The following CUX1 variants were observed in gnomAD, a reference collection of about 807,000 sequenced individuals.
CUX1 encodes the protein cut like homeobox 1.
Under a neutral mutation model 158.8 loss-of-function variants are expected in CUX1, and 31 were observed. The observed-to-expected ratio is 0.20, with a 90% CI of 0.15 to 0.26. The LOEUF (loss-of-function observed/expected upper bound fraction) is 0.26. Among genes scored for constraint, CUX1 ranks in the 10% least tolerant of loss-of-function variants. The probability of loss-of-function intolerance (pLI) is 1.00; values close to 1 mark genes in which losing one functional copy is unlikely to be tolerated. For missense variants in CUX1, 1,589 were observed against 2,014.6 expected (o/e 0.79, Z 4.04); for synonymous variants, 879 against 862.1 (o/e 1.02, Z -0.34).
downstream of CUX1, chr7:102,258,284 C>A: frequency 1.4e-6 from 1 of 700,178 alleles, no homozygotes; most frequent in Non-Finnish European, 1.8e-6. Flanking sequence ...GGACGAGCAG[C>A]AAACACTGTC....
chr7:102,010,781 G>A (rs542090985), intron 2 of CUX1, among the ~76,000 whole-genome samples: 2 of 152,340 alleles, frequency 1.3e-5, no homozygotes, highest in African/African-American at 4.8e-5. Context: ...TGTGCTTTGT[G>A]TCTAAGCTGA....
chr7:102,229,107 A>G (rs1292353270), intron 21 of CUX1, among the ~76,000 whole-genome samples: 4 of 152,068 alleles, frequency 2.6e-5, no homozygotes, highest in Non-Finnish European at 5.9e-5. Context: ...AGCCATCTCC[A>G]TTTCACAGCC....
intron 2 of CUX1, among the ~76,000 whole-genome samples, chr7:101,986,211 C>T (rs373397599): frequency 6.6e-6 from 1 of 152,168 alleles, no homozygotes; most frequent in South Asian, 2.1e-4. Context: ...GAATTGGTAA[C>T]GAGGCACTGG....
At chr7:101,937,732 C>T (rs1251064371) in intron 2 of CUX1, among the ~76,000 whole-genome samples, 1 of 152,044 alleles carries the variant, frequency 6.6e-6, no homozygotes, top group African/African-American at 2.4e-5. Flanking sequence ...AGGGTGGTCT[C>T]GAACTCCTGA....
chr7:101,956,138 C>CAAAAAAAAAAA (rs11462111), intron 2 of CUX1, among the ~76,000 whole-genome samples: 1 of 64,978 alleles, frequency 1.5e-5, no homozygotes. Context: ...GCCCACGTCT[C>CAAAAAAAAAAA]AAAAAAAAAA....
chr7:102,015,996 G>T (rs1818539665), intron 2 of CUX1, among the ~76,000 whole-genome samples: 1 of 151,536 alleles, frequency 6.6e-6, no homozygotes, highest in Non-Finnish European at 1.5e-5. Context: ...AAATTTTTTT[G>T]TAGAGATGGG....
chr7:101,975,822 G>A (rs75469352), intron 2 of CUX1, among the ~76,000 whole-genome samples: 1,765 of 152,152 alleles, frequency 0.012, 12 homozygotes, highest in South Asian at 0.028. Context: ...CTTTTACCTC[G>A]TCGTCATCTT....
chr7:101,924,924 C>G (rs937800655), intron 2 of CUX1, among the ~76,000 whole-genome samples: 2 of 152,128 alleles, frequency 1.3e-5, no homozygotes, highest in African/African-American at 4.8e-5. Flanking sequence ...TCGGCTACTC[C>G]TTGATATGTC....
intron 2 of CUX1, among the ~76,000 whole-genome samples, chr7:102,008,443 C>T (rs774476547): frequency 1.3e-5 from 2 of 152,038 alleles, no homozygotes; most frequent in African/African-American, 4.8e-5. Flanking sequence ...ATTCCTTGGG[C>T]CCCCGTTGTA....
rs185991447 is a variant in CUX1, at chr7:102,024,263, T to G, written c.142-3835T>G. Among the ~76,000 whole-genome samples, 390 of 152,360 alleles carry G rather than the reference T, an allele frequency of 2.6e-3. 2 individuals are homozygous for G. Among genetic ancestry groups the G allele is most frequent in the African/African-American group, 9.1e-3 (377 of 41,594 alleles). On this transcript the variant is annotated intron_variant, in intron 2 of 23. Coordinates refer to ENST00000292535, the MANE Select transcript of CUX1 (RefSeq NM_181552.4). ...CTGAAATCTCTCAGCCACACCAGCT[T>G]TCTCATTCCATGACCTCATCTGACT...
At chr7:102,150,410 C>T (rs2131493591) in intron 8 of CUX1, among the ~76,000 whole-genome samples, 1 of 152,354 alleles carries the variant, frequency 6.6e-6, no homozygotes, top group South Asian at 2.1e-4. Context: ...CCTACCTCGG[C>T]CTCCCAAAGT....
At chr7:102,268,611 A>G (rs1554545557) in intron 14 of CUX1, among the ~76,000 whole-genome samples, 1 of 152,180 alleles carries the variant, frequency 6.6e-6, no homozygotes, top group African/African-American at 2.4e-5. Context: ...TTGCATTGCT[A>G]TAGAGAAATA....
intron 1 of CUX1, among the ~76,000 whole-genome samples, chr7:101,819,936 T>C (rs1359896815): frequency 1.3e-5 from 2 of 152,136 alleles, no homozygotes; most frequent in Non-Finnish European, 2.9e-5. Context: ...GGAATGATTC[T>C]CTCCTAAATC....
intron 11 of CUX1, among the ~76,000 whole-genome samples, chr7:102,180,899 T>TTATTTTATTTTATTTTATTG (rs782631875): frequency 9.9e-6 from 1 of 101,076 alleles, no homozygotes; most frequent in Non-Finnish European, 1.9e-5. Flanking sequence ...TTTTAAATTT[T>TTATTTTATTTTATTTTATTG]TATTTTATTT....
At chr7:102,212,472 CAA>C (rs1796641403) in intron 20 of CUX1, among the ~76,000 whole-genome samples, 1 of 152,132 alleles carries the variant, frequency 6.6e-6, no homozygotes. Flanking sequence ...GTGCCTCACC[CAA>C]AGAGAGGGAA....
chr7:102,265,312 C>T (rs1446275457), intron 14 of CUX1, among the ~76,000 whole-genome samples: 2 of 149,722 alleles, frequency 1.3e-5, no homozygotes, highest in East Asian at 2.0e-4. Context: ...GCCGAGATTA[C>T]ACCACTATAC....
At chr7:102,210,776 CTCTAATGTGGGTGG>C (rs1277859383) in intron 20 of CUX1, among the ~76,000 whole-genome samples, 6 of 152,192 alleles carry the variant, frequency 3.9e-5, no homozygotes, top group Non-Finnish European at 8.8e-5. Flanking sequence ...TATGGTCTGT[CTCTAATGTGGGTGG>C]TCCAATGTGT....
chr7:102,017,739 C>G (rs907488389), intron 2 of CUX1, among the ~76,000 whole-genome samples: 1 of 151,846 alleles, frequency 6.6e-6, no homozygotes, highest in African/African-American at 2.4e-5. Context: ...CCCAGCTACT[C>G]AGGTGGCTGA....
At chr7:101,975,482 A>T (rs59664309) in intron 2 of CUX1, among the ~76,000 whole-genome samples, 7,968 of 151,982 alleles carry the variant, frequency 0.052, 708 homozygotes, top group African/African-American at 0.18. Context: ...ACTTGAGCCC[A>T]GGAGTTCGAG....
Sources: gnomAD v4.1 joint callset for allele counts (sites outside exome capture counted in the v4.1 genomes callset) on GRCh38, gnomAD v4.1.1 for gene constraint, MANE v1.5 for transcripts, NCBI Gene and HGNC (gene_info 2026-07-23, HGNC 2026-07-21) for gene names.